The following EDEM1 variants were observed in gnomAD, a reference collection of about 807,000 sequenced individuals.
EDEM1 encodes ER degradation enhancing alpha-mannosidase like protein 1.
EDEM1 carries 67 observed loss-of-function variants against 74.4 expected under a neutral mutation model. That is an observed-to-expected ratio of 0.90 (90% CI 0.74 to 1.10). The LOEUF (loss-of-function observed/expected upper bound fraction) is 1.10, where lower values mean the gene tolerates loss of function less well. EDEM1 is among the 50% of genes least tolerant of loss of function. The probability of loss-of-function intolerance (pLI) is 0.00; values close to 1 mark genes in which losing one functional copy is unlikely to be tolerated. For missense variants in EDEM1, 926 were observed against 851.6 expected (o/e 1.09, Z -1.09); for synonymous variants, 382 against 335.9 (o/e 1.14, Z -1.50).
At chr3:5,202,831 A>G in intron 4 of EDEM1, 135 bp from the exon 5 acceptor site, 1 of 667,824 alleles carries the variant, frequency 1.5e-6, no homozygotes, top group Non-Finnish European at 2.6e-6. Flanking sequence ...CCTCAGATGT[A>G]TCTTGGAAGG....
chr3:5,203,293 T>C (rs1424830297), intron 5 of EDEM1, 144 bp downstream of exon 5: 3 of 840,138 alleles, frequency 3.6e-6, no homozygotes, highest in Non-Finnish European at 3.4e-6. Flanking sequence ...AATTTCTTTA[T>C]GTGACCCTTT....
chr3:5,198,391 T>C (rs184596102), intron 2 of EDEM1, among the ~76,000 whole-genome samples: 66 of 152,324 alleles, frequency 4.3e-4, no homozygotes, highest in Non-Finnish European at 7.5e-4. Flanking sequence ...ACAGTTTACC[T>C]GTGACAAAGG....
rs1176672159 is a variant in EDEM1, at chr3:5,218,336, A to G, written c.*2418A>G. On this transcript the variant is annotated 3_prime_UTR_variant, in exon 12 of 12. Coordinates refer to ENST00000256497, the MANE Select transcript of EDEM1 (RefSeq NM_014674.3). ...TGGATGCCAGAAGGTTCTTTGAGCC[A>G]GTTTCAAAGGTTACTTGTTTTTTTT... 1 of 149,054 alleles carries G rather than the reference A, an allele frequency of 6.7e-6. No individual in the cohort carries two copies. The highest frequency in any genetic ancestry group is 6.7e-5 in the Admixed American group (1 of 15,016). The allele number at this position is 149,054 out of a possible 1,614,324, so 9.2% of individuals were successfully genotyped here.
intron 2 of EDEM1, among the ~76,000 whole-genome samples, chr3:5,195,604 G>A (rs943453183): frequency 1.3e-5 from 2 of 152,046 alleles, no homozygotes; most frequent in Non-Finnish European, 2.9e-5. Flanking sequence ...AATTATAGTC[G>A]TTGCTATTCC....
chr3:5,214,460 C>T (rs2055206435), intron 11 of EDEM1, among the ~76,000 whole-genome samples: 1 of 152,164 alleles, frequency 6.6e-6, no homozygotes, highest in Non-Finnish European at 1.5e-5. Flanking sequence ...CCACCCCCGC[C>T]CCCATTTCCA....
At position 5,217,116 on chromosome 3, in the gene EDEM1, G is replaced by A. The variant is rs182203154; in HGVS notation, c.*1198G>A. On this transcript the variant is annotated 3_prime_UTR_variant, in exon 12 of 12. Coordinates refer to ENST00000256497, the MANE Select transcript of EDEM1 (RefSeq NM_014674.3). ...GCCTGTTTAGCCACATGGTGAGACC[G>A]TGGTGAAAGGGGGATGGAAATTGCT... 2 of 152,806 alleles carry A rather than the reference G, an allele frequency of 1.3e-5. No homozygotes were observed. Among genetic ancestry groups the A allele is most frequent in the East Asian group, 1.9e-4 (1 of 5,192 alleles). 9.5% of individuals were successfully genotyped at this position (152,806 alleles called of 1,614,324 possible). A position where few individuals can be genotyped will look rare whatever the true frequency, so the allele number is the denominator to read the frequency against.
chr3:5,192,443 A>G (rs987104427), intron 1 of EDEM1, among the ~76,000 whole-genome samples: 2 of 152,216 alleles, frequency 1.3e-5, no homozygotes, highest in African/African-American at 2.4e-5. Flanking sequence ...ATCAAAGGCC[A>G]TGGTTTTCTC....
chr3:5,202,550 C>G (rs2106597255), intron 4 of EDEM1, among the ~76,000 whole-genome samples: 1 of 152,298 alleles, frequency 6.6e-6, no homozygotes, highest in Middle Eastern at 3.4e-3. Context: ...CTGGTAGTGC[C>G]TCCTTTCTTG....
chr3:5,215,218 A>G (rs1171192062), intron 11 of EDEM1, among the ~76,000 whole-genome samples: 2 of 151,242 alleles, frequency 1.3e-5, no homozygotes, highest in Non-Finnish European at 2.9e-5. Flanking sequence ...GAATGTATTT[A>G]GACAACTGCT....
intron 11 of EDEM1, among the ~76,000 whole-genome samples, chr3:5,215,490 C>T (rs1231544250): frequency 1.3e-5 from 2 of 152,220 alleles, no homozygotes; most frequent in African/African-American, 4.8e-5. Context: ...TGCCTTTTAG[C>T]TTCCCTGGAT....
intron 3 of EDEM1, 97 bp from the exon 4 acceptor site, chr3:5,201,656 C>CT (rs2055036253): frequency 1.4e-6 from 2 of 1,438,926 alleles, no homozygotes; most frequent in African/African-American, 1.4e-5. Flanking sequence ...AGTTCTGAGT[C>CT]TATGTGGATA....
chr3:5,200,404 T>C (rs991884875), intron 3 of EDEM1, among the ~76,000 whole-genome samples: 11 of 152,252 alleles, frequency 7.2e-5, no homozygotes, highest in Non-Finnish European at 1.5e-4. Context: ...AAATCACTGC[T>C]TACCATTTTA....
At chr3:5,194,278 TC>T in intron 1 of EDEM1, among the ~76,000 whole-genome samples, 1 of 152,372 alleles carries the variant, frequency 6.6e-6, no homozygotes, top group East Asian at 1.9e-4. Flanking sequence ...TCTCTTACTA[TC>T]ATTTTTTCCA....
At chr3:5,191,021 T>C (rs1177215135) in intron 1 of EDEM1, among the ~76,000 whole-genome samples, 3 of 152,164 alleles carry the variant, frequency 2.0e-5, no homozygotes, top group Admixed American at 6.5e-5. Context: ...CATTTTTCTT[T>C]TGTGTTACAA....
intron 3 of EDEM1, among the ~76,000 whole-genome samples, chr3:5,200,459 C>T (rs2055021536): frequency 1.3e-5 from 2 of 152,308 alleles, no homozygotes; most frequent in East Asian, 3.9e-4. Flanking sequence ...ATTTCTCTCT[C>T]TGTCTCTCTC....
intron 2 of EDEM1, among the ~76,000 whole-genome samples, chr3:5,196,060 T>C (rs1477014058): frequency 6.6e-6 from 1 of 152,246 alleles, no homozygotes; most frequent in Non-Finnish European, 1.5e-5. Context: ...AGCAAGTCTT[T>C]ACCATGAGAA....
At position 5,188,111 on chromosome 3, in the gene EDEM1, C is replaced by A. The variant is rs1362183656; in HGVS notation, c.306C>A (p.Tyr102Ter). ...PGMCGPANWG[Y>*]VLGGRGRGPD... ...TGTGCGGCCCAGCCAACTGGGGCTA[C>A]GTGCTGGGCGGCCGGGGCCGCGGCC... The change falls in exon 1 of 12, where the codon TAC (tyrosine) becomes TAA (stop). Residue 102 changes from tyrosine to a stop codon, truncating the protein, a stop_gained. Transcript: ENST00000256497. LOFTEE classifies it high-confidence loss of function. 2 of 1,517,356 alleles carry A rather than the reference C, an allele frequency of 1.3e-6. No homozygotes were observed. The highest frequency in any genetic ancestry group is 5.4e-5 in the East Asian group (2 of 36,780). 94.0% of individuals were successfully genotyped at this position (1,517,356 alleles called of 1,614,324 possible).
At chr3:5,212,463 G>A (rs1392534330) in intron 10 of EDEM1, among the ~76,000 whole-genome samples, 2 of 152,206 alleles carry the variant, frequency 1.3e-5, no homozygotes, top group Non-Finnish European at 2.9e-5. Flanking sequence ...TTAACAGGGC[G>A]AGTTTTAGAG....
intron 8 of EDEM1, 70 bp from the exon 9 acceptor site, chr3:5,210,105 C>A: frequency 1.4e-6 from 2 of 1,389,732 alleles, no homozygotes; most frequent in South Asian, 1.2e-5. Context: ...GCCCCGCAGT[C>A]ACCATGATGT....
Sources: gnomAD v4.1 joint callset for allele counts (sites outside exome capture counted in the v4.1 genomes callset) on GRCh38, gnomAD v4.1.1 for gene constraint, MANE v1.5 for transcripts, NCBI Gene and HGNC (gene_info 2026-07-23, HGNC 2026-07-21) for gene names.